Variants in LRBA observed in about 807,000 individuals in gnomAD.
LRBA encodes lipopolysaccharide-responsive and beige-like anchor protein.
In LRBA, 176 loss-of-function variants were observed where a neutral mutation model predicts 330.0. The ratio of observed to expected loss-of-function variants is 0.53; its 90% CI spans 0.47 to 0.60. LRBA has a LOEUF of 0.60. Among genes scored for constraint, LRBA ranks in the 20% least tolerant of loss-of-function variants. The probability of loss-of-function intolerance (pLI) is 0.00; values close to 1 mark genes in which losing one functional copy is unlikely to be tolerated. For synonymous variants in LRBA, 1,230 were observed against 1,193.0 expected (o/e 1.03, Z -0.64); for missense variants, 3,259 against 3,444.8 (o/e 0.95, Z 1.35).
intron 40 of LRBA, among the ~76,000 whole-genome samples, chr4:150,511,318 C>A (rs17589182): frequency 0.21 from 32,543 of 152,106 alleles, 4,356 homozygotes; most frequent in Non-Finnish European, 0.3. Context: ...TCCTTTTGAC[C>A]CTCACTCACC....
chr4:150,378,181 T>C (rs541703880), intron 47 of LRBA, among the ~76,000 whole-genome samples: 2 of 152,330 alleles, frequency 1.3e-5, no homozygotes, highest in African/African-American at 2.4e-5. Flanking sequence ...GTATAAGTGA[T>C]TGACAGATAA....
At chr4:150,343,082 A>T (rs1735804739) in intron 48 of LRBA, among the ~76,000 whole-genome samples, 1 of 152,172 alleles carries the variant, frequency 6.6e-6, no homozygotes, top group Non-Finnish European at 1.5e-5. Context: ...AGTAGAAGGC[A>T]ATAGTGAAAG....
intron 35 of LRBA, among the ~76,000 whole-genome samples, chr4:150,754,539 A>G (rs1008061553): frequency 6.9e-6 from 1 of 145,972 alleles, no homozygotes. Flanking sequence ...AAAAAAAAAA[A>G]AAAGAGAGAG....
At chr4:150,410,039 C>A (rs11736546) in intron 47 of LRBA, among the ~76,000 whole-genome samples, 34,309 of 151,704 alleles carry the variant, frequency 0.23, 4,464 homozygotes, top group Non-Finnish European at 0.31. Flanking sequence ...GAAAAGGAAA[C>A]AATAACAACA....
At chr4:150,856,393 T>C (rs536459113) in intron 22 of LRBA, among the ~76,000 whole-genome samples, 1 of 152,282 alleles carries the variant, frequency 6.6e-6, no homozygotes, top group Non-Finnish European at 1.5e-5. Context: ...TTTCTTATAT[T>C]TCATTTCTTC....
At chr4:150,306,241 G>T (rs1164347500) in intron 52 of LRBA, among the ~76,000 whole-genome samples, 1 of 151,582 alleles carries the variant, frequency 6.6e-6, no homozygotes, top group East Asian at 1.9e-4. Context: ...TACAATCCAT[G>T]TTTCTCCTCC....
intron 56 of LRBA, among the ~76,000 whole-genome samples, chr4:150,267,484 G>GAAAT (rs1446320410): frequency 2.0e-5 from 3 of 151,946 alleles, no homozygotes; most frequent in Admixed American, 2.0e-4. Flanking sequence ...AAATGAAAAG[G>GAAAT]AAATACAACA....
At chr4:150,787,277 C>T (rs1419750997) in intron 34 of LRBA, among the ~76,000 whole-genome samples, 11 of 151,634 alleles carry the variant, frequency 7.3e-5, no homozygotes, top group Admixed American at 5.9e-4. Context: ...ACCTACTTTG[C>T]TCTGTAAACA....
At chr4:150,605,659 C>A (rs1317751575) in intron 37 of LRBA, among the ~76,000 whole-genome samples, 1 of 152,038 alleles carries the variant, frequency 6.6e-6, no homozygotes, top group Non-Finnish European at 1.5e-5. Context: ...AGATAAAAAG[C>A]ACTTAAGTTC....
At chr4:150,612,726 T>C (rs1199153136) in intron 37 of LRBA, among the ~76,000 whole-genome samples, 1 of 152,134 alleles carries the variant, frequency 6.6e-6, no homozygotes, top group Non-Finnish European at 1.5e-5. Context: ...TAAGAAATAC[T>C]CATATGAAGA....
At chr4:150,938,707 G>A (rs1735357169) in intron 2 of LRBA, among the ~76,000 whole-genome samples, 1 of 152,146 alleles carries the variant, frequency 6.6e-6, no homozygotes, top group African/African-American at 2.4e-5. Flanking sequence ...TCCTGGAATT[G>A]AAGGTGTCTT....
intron 40 of LRBA, among the ~76,000 whole-genome samples, chr4:150,492,608 C>T (rs1486429415): frequency 6.6e-6 from 1 of 151,910 alleles, no homozygotes; most frequent in African/African-American, 2.4e-5. Flanking sequence ...ACCAGAGGAC[C>T]CTTCACCTCA....
intron 47 of LRBA, among the ~76,000 whole-genome samples, chr4:150,402,976 A>G (rs1745703526): frequency 6.6e-6 from 1 of 152,162 alleles, no homozygotes; most frequent in African/African-American, 2.4e-5. Context: ...ATTTGCTAGT[A>G]TATACAGAAG....
intron 53 of LRBA, among the ~76,000 whole-genome samples, chr4:150,292,422 G>C (rs1728436252): frequency 6.6e-6 from 1 of 152,140 alleles, no homozygotes; most frequent in African/African-American, 2.4e-5. Context: ...TCACTTGTAG[G>C]TTAAATATGT....
At chr4:150,954,991 T>A (rs1179753252) in intron 2 of LRBA, among the ~76,000 whole-genome samples, 1 of 148,504 alleles carries the variant, frequency 6.7e-6, no homozygotes, top group Non-Finnish European at 1.5e-5. Flanking sequence ...AGAAAAAAAA[T>A]TAGGCTAGGC....
chr4:150,423,772 C>A, intron 46 of LRBA: 1 of 164,836 alleles, frequency 6.1e-6, no homozygotes, highest in Non-Finnish European at 1.3e-5. Flanking sequence ...AGGGGACGCC[C>A]CTGTAGGTTA....
chr4:150,977,035 T>G (rs1017862674), intron 2 of LRBA, among the ~76,000 whole-genome samples: 2 of 152,196 alleles, frequency 1.3e-5, no homozygotes, highest in African/African-American at 4.8e-5. Context: ...AAGGGCAGTC[T>G]AGGCCACAAG....
chr4:150,269,681 AT>A (rs1745813351), intron 56 of LRBA, among the ~76,000 whole-genome samples: 1 of 152,218 alleles, frequency 6.6e-6, no homozygotes, highest in Non-Finnish European at 1.5e-5. Context: ...ATAGTGGCTT[AT>A]GGCTATAATC....
At chr4:150,294,686 T>C (rs1041357800) in intron 53 of LRBA, among the ~76,000 whole-genome samples, 8 of 152,332 alleles carry the variant, frequency 5.3e-5, no homozygotes, top group Middle Eastern at 3.4e-3. Flanking sequence ...GCGCAGTGGC[T>C]CACGCCTGTA....
Sources: allele counts gnomAD v4.1 joint callset (sites outside exome capture counted in the v4.1 genomes callset), GRCh38; gene constraint gnomAD v4.1.1; transcripts MANE v1.5; gene names NCBI Gene and HGNC (gene_info 2026-07-23, HGNC 2026-07-21).